Variants in STK32B observed in about 807,000 individuals in gnomAD.
STK32B encodes serine/threonine-protein kinase 32B.
A neutral mutation model predicts 52.6 loss-of-function variants in STK32B; 43 were observed. The ratio of observed to expected loss-of-function variants is 0.82; its 90% CI spans 0.64 to 1.05. The LOEUF (loss-of-function observed/expected upper bound fraction) is 1.05. Ranked by LOEUF, STK32B falls within the 50% of genes least tolerant of loss-of-function variation. The pLI is 0.00. For synonymous variants in STK32B, 238 were observed against 204.3 expected (o/e 1.17, Z -1.41); for missense variants, 621 against 534.6 (o/e 1.16, Z -1.59).
rs1305666889 is a variant in STK32B, at chr4:5,102,485, C to CTTCT, written c.53-37417_53-37416insTTTC. ...CCTTCCTTCCTTCCTTCCTTCCTTC[C>CTTCT]TTCCTTCCCTCCCTCCCTCCCTCCC... On this transcript the variant is annotated intron_variant, in intron 1 of 11. Coordinates refer to ENST00000282908, the MANE Select transcript of STK32B (RefSeq NM_018401.3). 4.2e-4 allele frequency among the ~76,000 whole-genome samples: 57 copies of CTTCT among 135,390 alleles called. 2 individuals are homozygous for CTTCT. The highest frequency in any genetic ancestry group is 1.5e-3 in the African/African-American group (54 of 35,912). 88.8% of individuals were successfully genotyped at this position (135,390 alleles called of 152,430 possible).
intron 9 of STK32B, among the ~76,000 whole-genome samples, chr4:5,464,147 C>A (rs1297102078): frequency 6.6e-6 from 1 of 152,178 alleles, no homozygotes; most frequent in African/African-American, 2.4e-5. Flanking sequence ...TACCAGATGT[C>A]TCACCAGAGC....
At chr4:5,226,921 T>G (rs1049940702) in intron 3 of STK32B, among the ~76,000 whole-genome samples, 17 of 152,172 alleles carry the variant, frequency 1.1e-4, no homozygotes, top group African/African-American at 4.1e-4. Context: ...TTAACAGAAG[T>G]AACATTTTAA....
chr4:5,201,948 T>G (rs1722181355), intron 3 of STK32B, among the ~76,000 whole-genome samples: 1 of 152,196 alleles, frequency 6.6e-6, no homozygotes, highest in Admixed American at 6.5e-5. Flanking sequence ...TCCCAAATCT[T>G]ATGTTTTTCT....
At chr4:5,218,147 C>G (rs1163335848) in intron 3 of STK32B, among the ~76,000 whole-genome samples, 2 of 152,148 alleles carry the variant, frequency 1.3e-5, no homozygotes, top group Non-Finnish European at 2.9e-5. Flanking sequence ...AGAGACACTT[C>G]TGCTGCATGC....
chr4:5,316,587 ATATATATTACATATATAATATATAT>A (rs1730803507), intron 3 of STK32B, among the ~76,000 whole-genome samples: 4 of 1,994 alleles, frequency 2.0e-3, no homozygotes, highest in African/African-American at 5.8e-3. Flanking sequence ...ATAATATATA[ATATATATTACATATATAATATATAT>A]TATATATTAT....
intron 4 of STK32B, among the ~76,000 whole-genome samples, chr4:5,334,512 A>G (rs916849405): frequency 3.3e-5 from 5 of 152,080 alleles, no homozygotes; most frequent in Middle Eastern, 3.4e-3. Flanking sequence ...TTCCAACACT[A>G]TGTTAACAGG....
intron 1 of STK32B, among the ~76,000 whole-genome samples, chr4:5,070,061 C>T (rs1711661582): frequency 6.6e-6 from 1 of 152,206 alleles, no homozygotes; most frequent in Non-Finnish European, 1.5e-5. Context: ...GCTGTTTATT[C>T]AGCCAGAAGA....
intron 3 of STK32B, among the ~76,000 whole-genome samples, chr4:5,216,272 C>T (rs1032521766): frequency 6.6e-6 from 1 of 152,136 alleles, no homozygotes; most frequent in Non-Finnish European, 1.5e-5. Flanking sequence ...ACTTTAAGAA[C>T]TGCTGTTAAA....
intron 4 of STK32B, among the ~76,000 whole-genome samples, chr4:5,349,493 C>A (rs1733691223): frequency 6.6e-6 from 1 of 151,722 alleles, no homozygotes; most frequent in African/African-American, 2.4e-5. Context: ...AAAGTCTTCC[C>A]CTATGAAAGC....
At chr4:5,032,210 ACAC>A in the STK32B span, among the ~76,000 whole-genome samples, 2 of 151,192 alleles carry the variant, frequency 1.3e-5, no homozygotes, top group Non-Finnish European at 2.9e-5. Flanking sequence ...ACAGTGGCTC[ACAC>A]CTGTAATCCC....
chr4:5,440,655 G>T (rs1272553385), intron 6 of STK32B, among the ~76,000 whole-genome samples: 1 of 152,180 alleles, frequency 6.6e-6, no homozygotes, highest in Non-Finnish European at 1.5e-5. Context: ...AATAAGAGTG[G>T]TGAGAGAGGG....
At chr4:5,236,458 G>C (rs11943720) in intron 3 of STK32B, among the ~76,000 whole-genome samples, 11,789 of 152,184 alleles carry the variant, frequency 0.077, 722 homozygotes, top group African/African-American at 0.17. Context: ...ACAAGAATCA[G>C]AACATATTGG....
At chr4:5,214,167 A>G (rs1723056961) in intron 3 of STK32B, 2 of 152,084 alleles carry the variant, frequency 1.3e-5, no homozygotes, top group Non-Finnish European at 1.5e-5. Context: ...CTCCCTTGCT[A>G]TTCTCATGAT....
intron 6 of STK32B, among the ~76,000 whole-genome samples, chr4:5,428,755 C>G (rs1327921938): frequency 6.6e-6 from 1 of 152,056 alleles, no homozygotes; most frequent in Admixed American, 6.5e-5. Flanking sequence ...GTTGGAATTC[C>G]CAGCTATGAT....
chr4:5,067,688 C>T (rs1219408094), intron 1 of STK32B, among the ~76,000 whole-genome samples: 5 of 151,964 alleles, frequency 3.3e-5, no homozygotes, highest in African/African-American at 1.2e-4. Flanking sequence ...AGTCCATTCT[C>T]ACACTACTAT....
At chr4:5,072,559 T>G (rs768327891) in intron 1 of STK32B, among the ~76,000 whole-genome samples, 24 of 152,278 alleles carry the variant, frequency 1.6e-4, no homozygotes, top group Non-Finnish European at 2.6e-4. Flanking sequence ...AGAACAGGAA[T>G]CCAAACAGAC....
At chr4:5,284,838 G>A (rs1728444894) in intron 3 of STK32B, among the ~76,000 whole-genome samples, 1 of 152,108 alleles carries the variant, frequency 6.6e-6, no homozygotes, top group African/African-American at 2.4e-5. Flanking sequence ...TTTTCATCAT[G>A]TTTAGTGCAA....
At chr4:5,036,960 C>T in the STK32B span, among the ~76,000 whole-genome samples, 2 of 152,106 alleles carry the variant, frequency 1.3e-5, no homozygotes, top group African/African-American at 4.8e-5. Flanking sequence ...GACACTGTGC[C>T]CGGCCAAGGG....
At chr4:5,300,554 C>A (rs1369392534) in intron 3 of STK32B, among the ~76,000 whole-genome samples, 1 of 152,182 alleles carries the variant, frequency 6.6e-6, no homozygotes, top group African/African-American at 2.4e-5. Context: ...TCCAAAAGAC[C>A]CCTAACCCTG....
Sources: allele counts gnomAD v4.1 joint callset (sites outside exome capture counted in the v4.1 genomes callset), GRCh38; gene constraint gnomAD v4.1.1; transcripts MANE v1.5; gene names NCBI Gene and HGNC (gene_info 2026-07-23, HGNC 2026-07-21).